DACH2: variants seen among roughly 807,000 people sequenced by gnomAD.
DACH2 encodes the protein dachshund family transcription factor 2, also known as dachshund homolog 2.
A neutral mutation model predicts 35.8 loss-of-function variants in DACH2; 17 were observed. The observed-to-expected ratio is 0.48, with a 90% CI of 0.33 to 0.71. The LOEUF (loss-of-function observed/expected upper bound fraction) is 0.71, where lower values mean the gene tolerates loss of function less well. Ranked by LOEUF, DACH2 falls within the 30% of genes least tolerant of loss-of-function variation. The pLI, the probability that DACH2 is intolerant of heterozygous loss-of-function variation, is 0.02. For synonymous variants in DACH2, 195 were observed against 177.3 expected, an observed-to-expected ratio of 1.10 and a Z score of -0.79; for missense variants, 469 against 472.7, an observed-to-expected ratio of 0.99 and a Z score of 0.07.
intron 1 of DACH2, among the ~76,000 whole-genome samples, chrX:86,368,665 C>T (rs752617581): frequency 9.3e-6 from 1 of 107,502 alleles, no homozygotes; most frequent in Non-Finnish European, 1.9e-5. Flanking sequence ...TGGGCTCAAG[C>T]GATCCTCTCA....
At chrX:86,638,554 TCAA>T (rs2040306696) in intron 3 of DACH2, among the ~76,000 whole-genome samples, 1 of 109,850 alleles carries the variant, frequency 9.1e-6, no homozygotes, top group African/African-American at 3.3e-5. Context: ...CTTAAACAAC[TCAA>T]CAACAAATAA....
At chrX:86,727,999 C>G (rs1241875478) in intron 6 of DACH2, among the ~76,000 whole-genome samples, 1 of 111,711 alleles carries the variant, frequency 9.0e-6, no homozygotes, top group Non-Finnish European at 1.9e-5. Context: ...ATTTGGAGGG[C>G]TCAAAATAAG....
intron 3 of DACH2, among the ~76,000 whole-genome samples, chrX:86,635,254 C>A (rs745523339): frequency 6.0e-4 from 64 of 107,002 alleles, no homozygotes; most frequent in African/African-American, 2.2e-3. Context: ...ATAAACAGAA[C>A]TGATGACAAA....
chrX:86,695,560 G>T (rs1198552110), intron 5 of DACH2, among the ~76,000 whole-genome samples: 2 of 107,508 alleles, frequency 1.9e-5, no homozygotes, highest in Admixed American at 2.0e-4. Flanking sequence ...GCCCAGGCTG[G>T]AGTGCAATGG....
chrX:86,523,864 G>A (rs894922596), intron 3 of DACH2, among the ~76,000 whole-genome samples: 6 of 111,152 alleles, frequency 5.4e-5, no homozygotes, highest in Admixed American at 1.9e-4. Context: ...TGTCTCCTGA[G>A]CAGTATTGGG....
intron 2 of DACH2, among the ~76,000 whole-genome samples, chrX:86,508,836 A>G (rs911809522): frequency 1.8e-5 from 2 of 111,714 alleles, no homozygotes; most frequent in Non-Finnish European, 3.8e-5. Flanking sequence ...CTTCACAGTT[A>G]TACTTCCTGT....
chrX:86,239,233 A>G (rs1208020159), intron 1 of DACH2, among the ~76,000 whole-genome samples: 1 of 111,836 alleles, frequency 8.9e-6, no homozygotes, highest in Admixed American at 9.6e-5. Context: ...AACTATAAAG[A>G]TGAGTGCAGA....
chrX:86,536,574 C>T (rs936556326), intron 3 of DACH2, among the ~76,000 whole-genome samples: 1 of 111,574 alleles, frequency 9.0e-6, no homozygotes. Flanking sequence ...CCCCCTTTAT[C>T]TTGAATCAAG....
chrX:86,175,130 G>C (rs1189385425), intron 1 of DACH2, among the ~76,000 whole-genome samples: 5 of 111,794 alleles, frequency 4.5e-5, no homozygotes, highest in Non-Finnish European at 9.4e-5. Flanking sequence ...TGAGTCCTGG[G>C]TCACACTGGC....
In DACH2 at chrX:86,426,428, C is replaced by A. The variant is rs140791462; in HGVS notation, c.527+49566C>A. On this transcript the variant is annotated intron_variant, in intron 2 of 11. Coordinates refer to ENST00000373125, the MANE Select transcript of DACH2 (RefSeq NM_053281.3). ...ATCTATGATGTTACTCTAAAAACAT[C>A]TTTTTAATCATCAAAAAATTTCTTT... Among the ~76,000 whole-genome samples the A allele has an allele frequency of 6.3e-3, 703 of 111,386 alleles. 3 individuals are homozygous for A. Among genetic ancestry groups the A allele is most frequent in the Non-Finnish European group, 0.011 (561 of 52,761 alleles).
chrX:86,579,746 A>G (rs2039479290), intron 3 of DACH2, among the ~76,000 whole-genome samples: 1 of 112,278 alleles, frequency 8.9e-6, no homozygotes, highest in Non-Finnish European at 1.9e-5. Flanking sequence ...CATAAAGTGT[A>G]AGGTTTAGGT....
chrX:86,650,036 T>A (rs2040459978), intron 3 of DACH2, among the ~76,000 whole-genome samples: 1 of 110,623 alleles, frequency 9.0e-6, no homozygotes, highest in African/African-American at 3.3e-5. Flanking sequence ...TCACTAGACT[T>A]TTTGGAGGAC....
At chrX:86,242,673 T>C (rs1348586227) in intron 1 of DACH2, among the ~76,000 whole-genome samples, 2 of 111,311 alleles carry the variant, frequency 1.8e-5, no homozygotes, top group Non-Finnish European at 3.8e-5. Flanking sequence ...AGTGATATGA[T>C]CTGGCTCTGT....
chrX:86,314,258 T>G (rs748977205), intron 1 of DACH2, among the ~76,000 whole-genome samples: 18 of 111,433 alleles, frequency 1.6e-4, no homozygotes, highest in Middle Eastern at 4.7e-3. Context: ...AGCTCACACA[T>G]TTAATTACAA....
chrX:86,429,535 A>ATTTCTTCTCT (rs2036949098), intron 2 of DACH2, among the ~76,000 whole-genome samples: 1 of 101,492 alleles, frequency 9.9e-6, no homozygotes, highest in East Asian at 3.6e-4. Context: ...TCTAGAGTGC[A>ATTTCTTCTCT]TTTCTTTTCT....
At chrX:86,397,965 G>A (rs2036333522) in intron 2 of DACH2, among the ~76,000 whole-genome samples, 1 of 111,716 alleles carries the variant, frequency 9.0e-6, no homozygotes, top group African/African-American at 3.3e-5. Flanking sequence ...AGAAGGAATG[G>A]TACCAGCTCC....
At chrX:86,667,544 A>AGAAG (rs2040703789) in intron 4 of DACH2, among the ~76,000 whole-genome samples, 1 of 36,662 alleles carries the variant, frequency 2.7e-5, no homozygotes, top group East Asian at 7.9e-4. Context: ...AAAGAAAGAA[A>AGAAG]GAAGAAAGAA....
At position 86,296,237 on chromosome X, in the gene DACH2, C is replaced by G. The variant is rs777439195; in HGVS notation, c.489-80587C>G. 5.8e-5 allele frequency among the ~76,000 whole-genome samples: 6 copies of G among 103,422 alleles called. No individual in the cohort carries two copies. In the South Asian group the frequency reaches 2.4e-3, roughly 41 times the overall value. 89.8% of individuals were successfully genotyped at this position (103,422 alleles called of 115,157 possible). A position where few individuals can be genotyped will look rare whatever the true frequency, so the allele number is the denominator to read the frequency against. On this transcript the variant is annotated intron_variant, in intron 1 of 11. Coordinates refer to ENST00000373125, the MANE Select transcript of DACH2 (RefSeq NM_053281.3). The stretch of plus-strand genomic sequence containing the variant: ...TACTAAAAATACAAAAAAAATTAGC[C>G]GGGCGTGATGGTGGGGGCCTGTAGT...
chrX:86,592,726 T>C (rs2039663011), intron 3 of DACH2, among the ~76,000 whole-genome samples: 1 of 112,075 alleles, frequency 8.9e-6, no homozygotes, highest in African/African-American at 3.2e-5. Context: ...TTTTCTCCTA[T>C]ATTTCTTATA....
Sources: gnomAD v4.1 joint callset for allele counts (sites outside exome capture counted in the v4.1 genomes callset) on GRCh38, gnomAD v4.1.1 for gene constraint, MANE v1.5 for transcripts, NCBI Gene and HGNC (gene_info 2026-07-23, HGNC 2026-07-21) for gene names.